PLXDC2: variants seen among roughly 807,000 people sequenced by gnomAD.
PLXDC2 encodes plexin domain-containing protein 2.
PLXDC2 carries 40 observed loss-of-function variants against 68.9 expected under a neutral mutation model. The ratio of observed to expected loss-of-function variants is 0.58; its 90% CI spans 0.45 to 0.76. PLXDC2 has a LOEUF of 0.76. Ranked by LOEUF, PLXDC2 falls within the 30% of genes least tolerant of loss-of-function variation. The pLI, the probability that PLXDC2 is intolerant of heterozygous loss-of-function variation, is 0.00. For missense variants in PLXDC2, 644 were observed against 661.9 expected (o/e 0.97, Z 0.30); for synonymous variants, 243 against 234.2 (o/e 1.04, Z -0.34).
At chr10:20,101,259 A>C (rs1833418322) in intron 4 of PLXDC2, among the ~76,000 whole-genome samples, 1 of 152,178 alleles carries the variant, frequency 6.6e-6, no homozygotes, top group African/African-American at 2.4e-5. Flanking sequence ...AGTTCAGCTC[A>C]GCCATTATCA....
At chr10:19,950,768 A>C (rs138237249) in intron 1 of PLXDC2, among the ~76,000 whole-genome samples, 1 of 152,314 alleles carries the variant, frequency 6.6e-6, no homozygotes, top group East Asian at 1.9e-4. Flanking sequence ...CGGCTACAGT[A>C]AACAAAACAG....
chr10:20,212,140 C>T (rs1283518405), intron 10 of PLXDC2, among the ~76,000 whole-genome samples: 3 of 151,684 alleles, frequency 2.0e-5, no homozygotes, highest in Admixed American at 6.6e-5. Flanking sequence ...AGGTAAATGG[C>T]TAGGGAATAG....
intron 10 of PLXDC2, among the ~76,000 whole-genome samples, chr10:20,216,685 G>A (rs1023687581): frequency 6.6e-6 from 1 of 152,186 alleles, no homozygotes; most frequent in Non-Finnish European, 1.5e-5. Flanking sequence ...GGCACAAAAG[G>A]TGGATAGAAA....
At chr10:19,864,498 G>C (rs1164734065) in intron 1 of PLXDC2, among the ~76,000 whole-genome samples, 1 of 151,942 alleles carries the variant, frequency 6.6e-6, no homozygotes, top group South Asian at 2.1e-4. Context: ...TAAACAATTT[G>C]AAAATCAAAA....
chr10:19,928,619 G>C (rs1301440936), intron 1 of PLXDC2, among the ~76,000 whole-genome samples: 4 of 152,256 alleles, frequency 2.6e-5, no homozygotes, highest in African/African-American at 9.6e-5. Flanking sequence ...CCACCCCTTG[G>C]CGGGGCTTAA....
intron 1 of PLXDC2, among the ~76,000 whole-genome samples, chr10:19,888,404 C>A (rs1392103795): frequency 6.6e-6 from 1 of 152,114 alleles, no homozygotes; most frequent in African/African-American, 2.4e-5. Flanking sequence ...GCAACCATTT[C>A]AACAGGAATG....
chr10:19,877,141 A>AT (rs1837646825), intron 1 of PLXDC2, among the ~76,000 whole-genome samples: 1 of 151,582 alleles, frequency 6.6e-6, no homozygotes, highest in South Asian at 2.1e-4. Context: ...AAAGCTATTT[A>AT]TTTTTTAGAT....
chr10:20,242,024 G>A (rs1484278967), intron 12 of PLXDC2, among the ~76,000 whole-genome samples: 1 of 152,056 alleles, frequency 6.6e-6, no homozygotes, highest in African/African-American at 2.4e-5. Context: ...ATGGAAAGAC[G>A]AGTGGAAGAG....
intron 2 of PLXDC2, among the ~76,000 whole-genome samples, chr10:20,016,392 T>G (rs1208462910): frequency 6.6e-6 from 1 of 152,224 alleles, no homozygotes; most frequent in Non-Finnish European, 1.5e-5. Flanking sequence ...AGAACTAGGT[T>G]GCTAACAAAA....
intron 4 of PLXDC2, among the ~76,000 whole-genome samples, chr10:20,126,242 T>A (rs888732265): frequency 2.7e-5 from 4 of 146,860 alleles, no homozygotes; most frequent in Non-Finnish European, 6.0e-5. Context: ...CGTTGTATAA[T>A]ACATATATAC....
At chr10:19,941,559 T>A (rs1347284525) in intron 1 of PLXDC2, among the ~76,000 whole-genome samples, 1 of 152,178 alleles carries the variant, frequency 6.6e-6, no homozygotes, top group Non-Finnish European at 1.5e-5. Flanking sequence ...CCACTGAACC[T>A]TTTTTAGGAA....
intron 4 of PLXDC2, among the ~76,000 whole-genome samples, chr10:20,125,715 G>C (rs904338784): frequency 6.6e-6 from 1 of 151,972 alleles, no homozygotes; most frequent in Non-Finnish European, 1.5e-5. Flanking sequence ...GTGTTGTTTC[G>C]AGCAATTGCA....
intron 3 of PLXDC2, among the ~76,000 whole-genome samples, chr10:20,054,733 T>C (rs1835965188): frequency 6.6e-6 from 1 of 151,914 alleles, no homozygotes; most frequent in African/African-American, 2.4e-5. Flanking sequence ...GGGATAGCAT[T>C]AGGAGATATA....
At chr10:19,964,291 T>C (rs1423872805) in intron 1 of PLXDC2, among the ~76,000 whole-genome samples, 1 of 152,168 alleles carries the variant, frequency 6.6e-6, no homozygotes. Flanking sequence ...TTATCTTTTG[T>C]CGGTTGGTTG....
chr10:20,027,950 T>A (rs976864528), intron 2 of PLXDC2, among the ~76,000 whole-genome samples: 2 of 152,228 alleles, frequency 1.3e-5, no homozygotes, highest in African/African-American at 2.4e-5. Context: ...TTTGTTTCCC[T>A]ACACTTTTCT....
intron 2 of PLXDC2, among the ~76,000 whole-genome samples, chr10:20,034,845 G>T (rs1266439145): frequency 6.6e-6 from 1 of 152,176 alleles, no homozygotes; most frequent in Non-Finnish European, 1.5e-5. Context: ...CAGCTGTGCA[G>T]GTGTGTAGCC....
At chr10:19,943,262 G>A (rs1425662570) in intron 1 of PLXDC2, among the ~76,000 whole-genome samples, 1 of 130,278 alleles carries the variant, frequency 7.7e-6, no homozygotes. Context: ...TTTCTTATAA[G>A]TGTTCTGTAA....
rs546595734 is a variant in PLXDC2, at chr10:19,985,936, T to C, written c.113-15839T>C. ...TCCTTGTGTCAGACCACTTTGCCTA[T>C]GCTTCCTCCACTCCAGTCACACTGG... On this transcript the variant is annotated intron_variant, in intron 1 of 13. Coordinates refer to ENST00000377252, the MANE Select transcript of PLXDC2 (RefSeq NM_032812.9). 2.0e-5 allele frequency among the ~76,000 whole-genome samples: 3 copies of C among 152,314 alleles called. No homozygotes were observed. In the South Asian group the frequency reaches 6.2e-4, roughly 32 times the overall value.
At chr10:20,050,575 T>A (rs1238965451) in intron 3 of PLXDC2, among the ~76,000 whole-genome samples, 3 of 151,800 alleles carry the variant, frequency 2.0e-5, no homozygotes, top group Non-Finnish European at 2.9e-5. Flanking sequence ...AAAGAAGACA[T>A]ACGTGCAGCC....
Sources: gnomAD v4.1 joint callset for allele counts (sites outside exome capture counted in the v4.1 genomes callset) on GRCh38, gnomAD v4.1.1 for gene constraint, MANE v1.5 for transcripts, NCBI Gene and HGNC (gene_info 2026-07-23, HGNC 2026-07-21) for gene names.